CNTN1: variants seen among roughly 807,000 people sequenced by gnomAD.
CNTN1 encodes the protein contactin-1.
Under a neutral mutation model 126.4 loss-of-function variants are expected in CNTN1, and 38 were observed. The observed-to-expected ratio is 0.30, with a 90% confidence interval of 0.23 to 0.39. The LOEUF is 0.39. CNTN1 is among the 10% of genes least tolerant of loss of function. The pLI is 1.00. For synonymous variants in CNTN1, 413 were observed against 422.6 expected, an observed-to-expected ratio of 0.98 and a Z score of 0.28; for missense variants, 1,009 against 1,248.4, an observed-to-expected ratio of 0.81 and a Z score of 2.89.
intron 23 of CNTN1, among the ~76,000 whole-genome samples, chr12:41,046,532 A>G (rs1270253326): frequency 6.6e-6 from 1 of 152,104 alleles, no homozygotes; most frequent in Non-Finnish European, 1.5e-5. Flanking sequence ...ACTTTTATAA[A>G]TGAATTTCAA....
At chr12:40,985,819 T>TGCC (rs1947942152) in intron 16 of CNTN1, among the ~76,000 whole-genome samples, 1 of 152,014 alleles carries the variant, frequency 6.6e-6, no homozygotes, top group Non-Finnish European at 1.5e-5. Flanking sequence ...TATGTTAGAT[T>TGCC]GTTTGATGTT....
At chr12:40,831,512 C>T (rs1216880234) in intron 1 of CNTN1, among the ~76,000 whole-genome samples, 2 of 152,024 alleles carry the variant, frequency 1.3e-5, no homozygotes, top group Non-Finnish European at 1.5e-5. Context: ...CTCTCCTATT[C>T]GAGAAAAATG....
At chr12:40,743,694 G>A (rs1469043711) in intron 1 of CNTN1, among the ~76,000 whole-genome samples, 1 of 151,850 alleles carries the variant, frequency 6.6e-6, no homozygotes, top group Non-Finnish European at 1.5e-5. Context: ...TGTAGATTCT[G>A]GATATTAGAT....
At chr12:40,800,191 CTG>C (rs1940593021) in intron 1 of CNTN1, among the ~76,000 whole-genome samples, 1 of 151,834 alleles carries the variant, frequency 6.6e-6, no homozygotes, top group Non-Finnish European at 1.5e-5. Context: ...CTCACGACAT[CTG>C]ATGGTTTTAT....
At chr12:40,772,470 C>T (rs568668182) in intron 1 of CNTN1, among the ~76,000 whole-genome samples, 29 of 151,802 alleles carry the variant, frequency 1.9e-4, no homozygotes, top group African/African-American at 7.0e-4. Flanking sequence ...TAAGAAGAAG[C>T]AAAATAGAGG....
chr12:40,754,293 T>C (rs1938516733), intron 1 of CNTN1, among the ~76,000 whole-genome samples: 1 of 152,088 alleles, frequency 6.6e-6, no homozygotes, highest in African/African-American at 2.4e-5. Context: ...GGAAATTGAT[T>C]TCAGCACCGT....
chr12:40,833,986 A>G (rs2136559933), intron 1 of CNTN1, among the ~76,000 whole-genome samples: 1 of 152,338 alleles, frequency 6.6e-6, no homozygotes, highest in Non-Finnish European at 1.5e-5. Flanking sequence ...CATCCTAACA[A>G]AAATAAATTC....
At chr12:40,786,846 C>T (rs548116048) in intron 1 of CNTN1, among the ~76,000 whole-genome samples, 152 of 152,188 alleles carry the variant, frequency 1.0e-3, no homozygotes, top group African/African-American at 3.4e-3. Context: ...CAATACCTTC[C>T]ATGTCACTCT....
At chr12:40,970,040 G>T (rs1947449413) in intron 15 of CNTN1, among the ~76,000 whole-genome samples, 1 of 151,898 alleles carries the variant, frequency 6.6e-6, no homozygotes, top group Non-Finnish European at 1.5e-5. Context: ...ACACATTCCT[G>T]AGAATTTCTC....
chr12:41,034,040 A>G (rs1467176901), intron 23 of CNTN1, among the ~76,000 whole-genome samples: 3 of 151,960 alleles, frequency 2.0e-5, no homozygotes, highest in Non-Finnish European at 2.9e-5. Context: ...ACAGAGTGAG[A>G]CTCCACCTCA....
intron 15 of CNTN1, among the ~76,000 whole-genome samples, chr12:40,964,493 A>T (rs1317865968): frequency 6.6e-6 from 1 of 150,474 alleles, no homozygotes; most frequent in Non-Finnish European, 1.5e-5. Context: ...CCTTACGTGG[A>T]CTTGTATTTA....
intron 22 of CNTN1, among the ~76,000 whole-genome samples, chr12:41,028,323 C>T (rs538826464): frequency 3.8e-4 from 58 of 152,242 alleles, no homozygotes; most frequent in African/African-American, 1.1e-3. Context: ...TGAGCCACCA[C>T]GGCTGGCCCC....
At position 40,933,884 on chromosome 12, in the gene CNTN1, T is replaced by C. The variant is rs202118617; in HGVS notation, c.985+6T>C. The C allele has an allele frequency of 7.5e-6, 12 of 1,603,758 alleles. No homozygotes were observed. Among genetic ancestry groups the C allele is most frequent in the African/African-American group, 2.7e-5 (2 of 74,674 alleles). ...AGCAAGAATTTATGTTCAAGGTAGA[T>C]ACATTATTTTAATTTTGTATAAATT... On this transcript the variant is annotated splice_donor_region_variant and intron_variant, in intron 9 of 23. Coordinates refer to ENST00000551295, the MANE Select transcript of CNTN1 (RefSeq NM_001843.4).
chr12:40,996,634 T>C (rs1014701433), intron 17 of CNTN1, among the ~76,000 whole-genome samples: 1 of 152,160 alleles, frequency 6.6e-6, no homozygotes, highest in Non-Finnish European at 1.5e-5. Context: ...TTGTAATGGA[T>C]TACCCATTTA....
At chr12:40,824,124 T>A (rs997992888) in intron 1 of CNTN1, among the ~76,000 whole-genome samples, 1 of 152,124 alleles carries the variant, frequency 6.6e-6, no homozygotes, top group African/African-American at 2.4e-5. Context: ...CAGAATAGCA[T>A]CAAACATCTT....
intron 1 of CNTN1, among the ~76,000 whole-genome samples, chr12:40,830,579 C>T (rs1941775594): frequency 6.6e-6 from 1 of 150,720 alleles, no homozygotes; most frequent in South Asian, 2.1e-4. Context: ...AACAGGTTTA[C>T]TAATATAAGG....
chr12:40,759,760 C>A (rs1381039473), intron 1 of CNTN1, among the ~76,000 whole-genome samples: 3 of 148,808 alleles, frequency 2.0e-5, no homozygotes, highest in Non-Finnish European at 4.4e-5. Flanking sequence ...TGAGCCACCT[C>A]ACTTGGCCCA....
intron 1 of CNTN1, among the ~76,000 whole-genome samples, chr12:40,759,375 T>C (rs1483630721): frequency 6.6e-6 from 1 of 152,146 alleles, no homozygotes. Flanking sequence ...ACCAGAGGTC[T>C]CTGTTAGGTA....
intron 1 of CNTN1, among the ~76,000 whole-genome samples, chr12:40,719,540 A>G (rs1312718698): frequency 6.6e-6 from 1 of 152,236 alleles, no homozygotes; most frequent in African/African-American, 2.4e-5. Context: ...TTATGAAAAA[A>G]GAGAATCTAT....
Sources: gnomAD v4.1 joint callset for allele counts (sites outside exome capture counted in the v4.1 genomes callset) on GRCh38, gnomAD v4.1.1 for gene constraint, MANE v1.5 for transcripts, NCBI Gene and HGNC (gene_info 2026-07-23, HGNC 2026-07-21) for gene names.